ARHGAP15: variants seen among roughly 807,000 people sequenced by gnomAD.
The protein encoded by ARHGAP15 is rho GTPase-activating protein 15.
Under a neutral mutation model 63.7 loss-of-function variants are expected in ARHGAP15, and 51 were observed. The ratio of observed to expected loss-of-function variants is 0.80; its 90% confidence interval spans 0.64 to 1.01. The LOEUF (loss-of-function observed/expected upper bound fraction) is 1.01, where lower values mean the gene tolerates loss of function less well. Among genes scored for constraint, ARHGAP15 ranks in the 50% least tolerant of loss-of-function variants. The pLI is 0.00. For synonymous variants in ARHGAP15, 191 were observed against 193.8 expected, an observed-to-expected ratio of 0.99 and a Z score of 0.12; for missense variants, 560 against 564.6, an observed-to-expected ratio of 0.99 and a Z score of 0.08.
chr2:143,713,585 A>T (rs1684679643), intron 13 of ARHGAP15, among the ~76,000 whole-genome samples: 1 of 152,192 alleles, frequency 6.6e-6, no homozygotes, highest in Admixed American at 6.5e-5. Flanking sequence ...CCAAATTCTC[A>T]TCTGAGACAA....
At chr2:143,647,343 G>T (rs560369943) in intron 12 of ARHGAP15, among the ~76,000 whole-genome samples, 1 of 142,728 alleles carries the variant, frequency 7.0e-6, no homozygotes, top group Non-Finnish European at 1.5e-5. Flanking sequence ...GGTTAATTAG[G>T]ATATCACCAA....
chr2:143,345,607 A>G (rs533906977), intron 6 of ARHGAP15, among the ~76,000 whole-genome samples: 4 of 152,248 alleles, frequency 2.6e-5, no homozygotes, highest in Admixed American at 6.6e-5. Flanking sequence ...GTGTAAGCAC[A>G]TGGACTCACA....
intron 13 of ARHGAP15, among the ~76,000 whole-genome samples, chr2:143,725,727 A>G (rs1685244306): frequency 6.6e-6 from 1 of 152,236 alleles, no homozygotes; most frequent in African/African-American, 2.4e-5. Flanking sequence ...AGGTTCTGTG[A>G]GGAATAATTA....
At chr2:143,698,941 A>G (rs1683966248) in intron 12 of ARHGAP15, among the ~76,000 whole-genome samples, 1 of 152,174 alleles carries the variant, frequency 6.6e-6, no homozygotes, top group African/African-American at 2.4e-5. Context: ...TCAGCGCTTC[A>G]TAATGAGAAA....
chr2:143,679,654 CGTGTGTGTGTGT>C (rs60643761), intron 12 of ARHGAP15, among the ~76,000 whole-genome samples: 47 of 149,840 alleles, frequency 3.1e-4, no homozygotes, highest in Non-Finnish European at 5.0e-4. Context: ...TGCGTGTGTG[CGTGTGTGTGTGT>C]GTGTGTGTGT....
chr2:143,150,150 G>A (rs1447026273), intron 1 of ARHGAP15, among the ~76,000 whole-genome samples: 4 of 151,950 alleles, frequency 2.6e-5, no homozygotes, highest in Non-Finnish European at 5.9e-5. Flanking sequence ...CTACTCAGCA[G>A]CATAAAGATT....
At chr2:143,488,868 G>A (rs1405520712) in intron 9 of ARHGAP15, among the ~76,000 whole-genome samples, 1 of 152,112 alleles carries the variant, frequency 6.6e-6, no homozygotes, top group Non-Finnish European at 1.5e-5. Flanking sequence ...GTAAAACGAG[G>A]ACCTTGCTTT....
At chr2:143,381,377 C>A (rs1028887016) in intron 6 of ARHGAP15, among the ~76,000 whole-genome samples, 8 of 152,086 alleles carry the variant, frequency 5.3e-5, no homozygotes, top group African/African-American at 1.7e-4. Flanking sequence ...TTGTCTTAAT[C>A]CTGATTTTTC....
At chr2:143,555,860 AAGAATAGAAT>A (rs60637898) in intron 10 of ARHGAP15, among the ~76,000 whole-genome samples, 11,807 of 137,970 alleles carry the variant, frequency 0.086, 510 homozygotes, top group Middle Eastern at 0.12. Context: ...ACAGGAAAAC[AAGAATAGAAT>A]AGAATAGAAT....
chr2:143,623,961 G>A (rs1010338476), intron 11 of ARHGAP15, among the ~76,000 whole-genome samples, 172 bp from the exon 12 acceptor site: 5 of 152,156 alleles, frequency 3.3e-5, no homozygotes, highest in African/African-American at 1.2e-4. Flanking sequence ...CATTGAAAAT[G>A]TTCCCTTCCT....
intron 13 of ARHGAP15, among the ~76,000 whole-genome samples, chr2:143,731,100 G>A (rs1006202668): frequency 2.0e-5 from 3 of 151,874 alleles, no homozygotes; most frequent in Non-Finnish European, 2.9e-5. Flanking sequence ...GAGGTGAAAC[G>A]CTAGAAAGGA....
At chr2:143,717,316 C>T (rs1684852657) in intron 13 of ARHGAP15, among the ~76,000 whole-genome samples, 1 of 152,220 alleles carries the variant, frequency 6.6e-6, no homozygotes, top group South Asian at 2.1e-4. Flanking sequence ...GCCTCTCTGG[C>T]TGGCATGTCC....
At chr2:143,666,002 T>C (rs1027315845) in intron 12 of ARHGAP15, among the ~76,000 whole-genome samples, 3 of 150,324 alleles carry the variant, frequency 2.0e-5, no homozygotes, top group Non-Finnish European at 3.0e-5. Flanking sequence ...CCCAAGGTAA[T>C]TTACAGATTC....
intron 6 of ARHGAP15, among the ~76,000 whole-genome samples, chr2:143,333,232 C>A (rs1684626460): frequency 6.6e-6 from 1 of 152,152 alleles, no homozygotes; most frequent in Non-Finnish European, 1.5e-5. Context: ...TCTAATATGA[C>A]TTTTCTGAAA....
intron 1 of ARHGAP15, among the ~76,000 whole-genome samples, chr2:143,140,799 C>T (rs908870483): frequency 1.3e-5 from 2 of 152,094 alleles, no homozygotes; most frequent in Non-Finnish European, 2.9e-5. Flanking sequence ...GTTAGCGCAT[C>T]CACTTAATGA....
intron 13 of ARHGAP15, among the ~76,000 whole-genome samples, chr2:143,709,686 G>T (rs1478654543): frequency 6.6e-6 from 1 of 152,116 alleles, no homozygotes; most frequent in Non-Finnish European, 1.5e-5. Context: ...AAGCTTCTCT[G>T]TGGTCTTCAT....
intron 10 of ARHGAP15, among the ~76,000 whole-genome samples, chr2:143,539,941 C>A (rs1470160122): frequency 6.6e-6 from 1 of 151,810 alleles, no homozygotes; most frequent in East Asian, 1.9e-4. Flanking sequence ...TCCTTGTTTA[C>A]TTTCTGTCTC....
At chr2:143,712,805 A>AC (rs1684639885) in intron 13 of ARHGAP15, among the ~76,000 whole-genome samples, 1 of 150,110 alleles carries the variant, frequency 6.7e-6, no homozygotes, top group South Asian at 2.1e-4. Context: ...TTCAGCTTTA[A>AC]AAAAAAAAAA....
chr2:143,487,672 A>G (rs1473105932), intron 9 of ARHGAP15, among the ~76,000 whole-genome samples, 177 bp downstream of exon 9: 1 of 152,212 alleles, frequency 6.6e-6, no homozygotes, highest in Non-Finnish European at 1.5e-5. Flanking sequence ...GATCCTGAGA[A>G]AATAAAGGAG....
Sources: allele counts gnomAD v4.1 joint callset (sites outside exome capture counted in the v4.1 genomes callset), GRCh38; gene constraint gnomAD v4.1.1; transcripts MANE v1.5; gene names NCBI Gene and HGNC (gene_info 2026-07-23, HGNC 2026-07-21).